The following LGALS9 variants were observed in gnomAD, a reference collection of about 807,000 sequenced individuals.
The protein encoded by LGALS9 is galectin-9.
Under a neutral mutation model 35.9 loss-of-function variants are expected in LGALS9, and 26 were observed. That is an observed-to-expected ratio of 0.72 (90% confidence interval 0.53 to 1.01). The LOEUF is 1.01. Among genes scored for constraint, LGALS9 ranks in the 50% least tolerant of loss-of-function variants. LGALS9 has a pLI of 0.00. For missense variants in LGALS9, 347 were observed against 445.8 expected, an observed-to-expected ratio of 0.78 and a Z score of 1.99; for synonymous variants, 149 against 172.2, an observed-to-expected ratio of 0.87 and a Z score of 1.06.
intron 2 of LGALS9, among the ~76,000 whole-genome samples, chr17:27,639,887 C>G (rs1241500616): frequency 6.6e-6 from 1 of 152,172 alleles, no homozygotes; most frequent in African/African-American, 2.4e-5. Flanking sequence ...CAGGCTCATG[C>G]CACCATGCCT....
Position 27,642,254 on chromosome 17 carries a change from T to A in LGALS9, c.350T>A (p.Ile117Asn), listed in dbSNP as rs370908810. ...SSDFKVMVNG[I>N]LFVQYFHRVP... is the part of the protein sequence containing the mutation. ...CTCTGGCAGGTGATGGTGAACGGGA[T>A]CCTCTTCGTGCAGTACTTCCACCGC... The change falls in exon 4 of 11, where the codon ATC (isoleucine) becomes AAC (asparagine). Residue 117 changes from isoleucine to asparagine, a missense_variant. Ile to Asn is a moderately radical substitution (Grantham distance 149). Transcript: ENST00000395473. 2.5e-6 allele frequency: 4 copies of A among 1,612,798 alleles called. No homozygotes were observed. Among genetic ancestry groups the A allele is most frequent in the South Asian group, 2.2e-5 (2 of 90,998 alleles).
intron 1 of LGALS9, among the ~76,000 whole-genome samples, chr17:27,636,806 TC>T (rs1163029438): frequency 2.9e-4 from 44 of 151,828 alleles, no homozygotes; most frequent in Admixed American, 2.7e-3. Context: ...TGACAAATTT[TC>T]CCCCAAGAAA....
At chr17:27,633,052 T>C (rs1185034170) in intron 1 of LGALS9, among the ~76,000 whole-genome samples, 1 of 152,224 alleles carries the variant, frequency 6.6e-6, no homozygotes, top group Non-Finnish European at 1.5e-5. Context: ...AACCACGTGC[T>C]GTGTGGTCCA....
chr17:27,640,453 G>T (rs1904382715), intron 2 of LGALS9, 119 bp from the exon 3 acceptor site: 10 of 1,428,718 alleles, frequency 7.0e-6, no homozygotes, highest in Non-Finnish European at 9.8e-6. Flanking sequence ...AGCAGTCTCT[G>T]CCATACAGGT....
At chr17:27,646,523 A>G (rs756890826) in intron 7 of LGALS9, 24 bp from the exon 8 acceptor site, 1 of 1,611,838 alleles carries the variant, frequency 6.2e-7, no homozygotes, top group South Asian at 1.1e-5. Flanking sequence ...TCTCCCATTG[A>G]ATTTCCTGGT....
At chr17:27,641,181 T>C (rs1229677188) in intron 3 of LGALS9, among the ~76,000 whole-genome samples, 1 of 152,048 alleles carries the variant, frequency 6.6e-6, no homozygotes, top group African/African-American at 2.4e-5. Context: ...ACATTGCAAA[T>C]TACCCTTGCA....
rs1301738222 is a variant in LGALS9, at chr17:27,645,509, T to TG, written c.576+165dup. 3.5e-5 allele frequency: 42 copies of TG among 1,207,424 alleles called. 8 individuals carry two copies. The highest frequency in any genetic ancestry group is 1.6e-5 in the African/African-American group (1 of 62,182). 74.8% of individuals were successfully genotyped at this position (1,207,424 alleles called of 1,614,324 possible). ...GCCTGGTGAGGTTGGGGGTTGGATG[T>TG]GGGGGTTGGATGAAACAACCTGAGT... On this transcript the variant is annotated intron_variant, in intron 6 of 10. Transcript: ENST00000395473.
At chr17:27,643,413 C>G (rs1904669156) in intron 4 of LGALS9, 112 bp from the exon 5 acceptor site, 4 of 1,525,204 alleles carry the variant, frequency 2.6e-6, no homozygotes. Flanking sequence ...ACCCCCTTGC[C>G]TCATCGCCCT....
chr17:27,646,682 A>T, intron 8 of LGALS9, 94 bp downstream of exon 8: 1 of 1,584,640 alleles, frequency 6.3e-7, no homozygotes, highest in South Asian at 1.1e-5. Flanking sequence ...GCCTTGAAAA[A>T]TTAAAAGCAG....
At chr17:27,640,460 A>G in intron 2 of LGALS9, 112 bp from the exon 3 acceptor site, 1 of 1,467,238 alleles carries the variant, frequency 6.8e-7, no homozygotes, top group Non-Finnish European at 9.5e-7. Context: ...TCTGCCATAC[A>G]GGTTGTGTGC....
chr17:27,646,259 G>A (rs1042792748), intron 7 of LGALS9, among the ~76,000 whole-genome samples: 5 of 152,130 alleles, frequency 3.3e-5, no homozygotes, highest in African/African-American at 9.7e-5. Context: ...ATTGATCACA[G>A]GCTTAAGCTC....
In LGALS9 at chr17:27,646,021, T is replaced by G; in HGVS notation, c.627+110T>G. On this transcript the variant is annotated intron_variant, in intron 7 of 10. Coordinates refer to ENST00000395473, the MANE Select transcript of LGALS9 (RefSeq NM_009587.3). ...GAAGAAAGCGGTTTAGCAAGGAGGA[T>G]GGGGACACTAGGGGCTGAGTGCTTG... 2.3e-6 allele frequency: 3 copies of G among 1,317,904 alleles called. 1 individual carries two copies. The South Asian group carries it at 3.7e-5, about 16-fold the overall frequency. The allele number at this position is 1,317,904 out of a possible 1,614,324, so 81.6% of individuals were successfully genotyped here.
In LGALS9 at chr17:27,631,349, A is replaced by G. The variant is rs373601982; in HGVS notation, c.39+45A>G. 73 of 1,612,748 alleles carry G rather than the reference A, an allele frequency of 4.5e-5. No homozygotes were observed. In the Middle Eastern group the frequency reaches 1.0e-3, roughly 22 times the overall value. On this transcript the variant is annotated intron_variant, in intron 1 of 10. Coordinates refer to ENST00000395473, the MANE Select transcript of LGALS9 (RefSeq NM_009587.3). ...GCACAGGGCTGCCTCAGCCAGAGGG[A>G]CACAGCTCTGGGGCTCTGAGGAAGC...
chr17:27,637,653 G>A (rs572584984), intron 1 of LGALS9, among the ~76,000 whole-genome samples: 1 of 152,362 alleles, frequency 6.6e-6, no homozygotes, highest in South Asian at 2.1e-4. Context: ...GAAGGCATCT[G>A]GGAAGACGCT....
chr17:27,643,114 A>C (rs1904646017), intron 4 of LGALS9, among the ~76,000 whole-genome samples: 1 of 152,252 alleles, frequency 6.6e-6, no homozygotes, highest in Admixed American at 6.5e-5. Context: ...CATGTGAAAA[A>C]TGGGAAGATT....
chr17:27,642,544 T>C (rs367889950), intron 4 of LGALS9, 196 bp downstream of exon 4: 2 of 1,152,760 alleles, frequency 1.7e-6, no homozygotes, highest in African/African-American at 3.1e-5. Flanking sequence ...TTACTGTCTC[T>C]GTCCGGAACA....
At chr17:27,643,919 C>T in intron 5 of LGALS9, 1 of 365,746 alleles carries the variant, frequency 2.7e-6, no homozygotes, top group East Asian at 4.9e-5. Context: ...CAGTTCCCCA[C>T]CCCCTACACC....
chr17:27,640,119 G>A (rs759967927), intron 2 of LGALS9, among the ~76,000 whole-genome samples: 2 of 151,898 alleles, frequency 1.3e-5, no homozygotes, highest in East Asian at 1.9e-4. Context: ...TGGTCCACCC[G>A]CCTTGGCCTC....
chr17:27,645,916 G>C lies in LGALS9; in HGVS notation c.627+5G>C. 1 of 1,602,956 alleles carries C rather than the reference G, an allele frequency of 6.2e-7. No homozygotes were observed. The highest frequency in any genetic ancestry group is 8.5e-7 in the Non-Finnish European group (1 of 1,170,558). On this transcript the variant is annotated splice_donor_5th_base_variant and intron_variant, in intron 7 of 10. Transcript: ENST00000395473. Reference sequence around the variant, plus strand: ...GCCCCTGGACAGATGTTCTCTGTAAGTCTACAAGTTCTGGTCAGTTCACAG... The same window carrying C: ...GCCCCTGGACAGATGTTCTCTGTAACTCTACAAGTTCTGGTCAGTTCACAG...
Sources: allele counts gnomAD v4.1 joint callset (sites outside exome capture counted in the v4.1 genomes callset), GRCh38; gene constraint gnomAD v4.1.1; transcripts MANE v1.5; gene names NCBI Gene and HGNC (gene_info 2026-07-23, HGNC 2026-07-21).